TNRC6B: variants seen among roughly 807,000 people sequenced by gnomAD.
TNRC6B encodes the protein trinucleotide repeat-containing gene 6B protein.
In TNRC6B, 52 loss-of-function variants were observed where a neutral mutation model predicts 203.6. That is an observed-to-expected ratio of 0.26 (90% CI 0.20 to 0.32). The LOEUF (loss-of-function observed/expected upper bound fraction) is 0.32. Ranked by LOEUF, TNRC6B falls within the 10% of genes least tolerant of loss-of-function variation. The pLI, the probability that TNRC6B is intolerant of heterozygous loss-of-function variation, is 1.00. For missense variants in TNRC6B, 1,923 were observed against 2,286.2 expected (o/e 0.84, Z 3.24); for synonymous variants, 838 against 845.7 (o/e 0.99, Z 0.16).
intron 1 of TNRC6B, among the ~76,000 whole-genome samples, chr22:40,198,347 T>G (rs2146403033): frequency 6.6e-6 from 1 of 152,286 alleles, no homozygotes. Flanking sequence ...AAATACATTT[T>G]TACATTAATT....
intron 5 of TNRC6B, among the ~76,000 whole-genome samples, chr22:40,269,615 G>C (rs1601474327): frequency 1.3e-5 from 2 of 152,074 alleles, no homozygotes; most frequent in East Asian, 3.9e-4. Context: ...GGGCATGATG[G>C]CTCATGCCTG....
intron 1 of TNRC6B, 31 bp from the exon 2 acceptor site, chr22:40,245,984 A>T: frequency 6.6e-7 from 1 of 1,514,906 alleles, no homozygotes; most frequent in Non-Finnish European, 8.9e-7. Flanking sequence ...ATGTAGATGT[A>T]TAACCTTCTG....
intron 7 of TNRC6B, 123 bp downstream of exon 7, chr22:40,273,723 G>C: frequency 8.9e-7 from 1 of 1,121,166 alleles, no homozygotes; most frequent in Non-Finnish European, 1.2e-6. Flanking sequence ...GGAGTGCAGT[G>C]GGACAGTCAC....
chr22:40,270,073 G>A, intron 5 of TNRC6B, 49 bp from the exon 6 acceptor site: 3 of 1,541,694 alleles, frequency 1.9e-6, no homozygotes, highest in South Asian at 1.2e-5. Flanking sequence ...TGGATATTAT[G>A]GCATTTCATT....
rs1256028590 is a variant in TNRC6B at position 40,324,591 on chromosome 22, C to T, written c.*1350C>T. On this transcript the variant is annotated 3_prime_UTR_variant, in exon 23 of 23. Coordinates refer to ENST00000454349, the MANE Select transcript of TNRC6B (RefSeq NM_001162501.2). ...AGCATCTGCAGCTACTCCCTCTGCT[C>T]CTTTCTCGCCGAGCGTTACCTGTGC... The T allele has an allele frequency of 2.6e-5, 4 of 152,682 alleles. No individual in the cohort carries two copies. Among genetic ancestry groups the T allele is most frequent in the Non-Finnish European group, 5.9e-5 (4 of 68,054 alleles). The allele number at this position is 152,682 out of a possible 1,614,324, so 9.5% of individuals were successfully genotyped here. A position where few individuals can be genotyped will look rare whatever the true frequency, so the allele number is the denominator to read the frequency against.
chr22:40,218,020 G>A (rs1034129311), intron 1 of TNRC6B, among the ~76,000 whole-genome samples: 1 of 150,354 alleles, frequency 6.7e-6, no homozygotes, highest in Admixed American at 6.7e-5. Flanking sequence ...ACCCTCCAAG[G>A]TAACTGCTTT....
At chr22:40,305,838 T>TTCTTTC (rs1008671446) in intron 15 of TNRC6B, among the ~76,000 whole-genome samples, 1 of 152,170 alleles carries the variant, frequency 6.6e-6, no homozygotes, top group Non-Finnish European at 1.5e-5. Flanking sequence ...TGCTTACTTT[T>TTCTTTC]TCTTTCTCTT....
chr22:40,233,537 G>T (rs572386411), intron 1 of TNRC6B, among the ~76,000 whole-genome samples: 1 of 148,942 alleles, frequency 6.7e-6, no homozygotes, highest in Non-Finnish European at 1.5e-5. Context: ...CAGGAGAATC[G>T]CTTGAACTCA....
rs534945327 is a variant in TNRC6B, at chr22:40,102,495, CAT to C, written c.-120-14559_-120-14558del. On this transcript the variant is annotated intron_variant, in intron 1 of 23. Coordinates refer to the TNRC6B transcript ENST00000301923. The stretch of plus-strand genomic sequence containing the variant: ...CTTAGTCTTACATGATTTGGCCTCA[CAT>C]GTGTGGATGAGATTTTAAATATGTG... Among the ~76,000 whole-genome samples the C allele has an allele frequency of 1.5e-3, 231 of 152,258 alleles. 1 individual carries two copies. Among genetic ancestry groups the C allele is most frequent in the African/African-American group, 5.2e-3 (215 of 41,540 alleles).
At position 40,265,859 on chromosome 22, in the gene TNRC6B, C is replaced by T. The variant is rs1033879928; in HGVS notation, c.1629C>T (p.Gly543=). The change falls in exon 5 of 23, where the codon GGC becomes GGT. Residue 543 remains glycine, a synonymous_variant. Coordinates refer to ENST00000454349, the MANE Select transcript of TNRC6B (RefSeq NM_001162501.2). The stretch of plus-strand genomic sequence containing the variant: ...CTGGAGCATGGGACAATCAAAAGGG[C>T]CACCCCCTCCCTGAAAACCAAGGCA... ...SSTGAWDNQK[G]HPLPENQGNA... 1 of 1,613,968 alleles carries T rather than the reference C, an allele frequency of 6.2e-7. No individual in the cohort carries two copies. Among genetic ancestry groups the T allele is most frequent in the Non-Finnish European group, 8.5e-7 (1 of 1,179,902 alleles).
At chr22:40,047,386 G>C (rs2067699562) in intron 1 of TNRC6B, among the ~76,000 whole-genome samples, 1 of 151,470 alleles carries the variant, frequency 6.6e-6, no homozygotes, top group African/African-American at 2.5e-5. Context: ...TGGATCACTT[G>C]AGGTCAGGAG....
intron 1 of TNRC6B, among the ~76,000 whole-genome samples, chr22:40,103,576 A>G (rs2068258084): frequency 6.6e-6 from 1 of 152,166 alleles, no homozygotes; most frequent in Admixed American, 6.5e-5. Flanking sequence ...GATTACTTGA[A>G]GGACAAAAAA....
intron 7 of TNRC6B, among the ~76,000 whole-genome samples, chr22:40,275,077 G>A (rs577210097): frequency 5.3e-5 from 8 of 152,164 alleles, no homozygotes; most frequent in African/African-American, 1.9e-4. Context: ...TTTGCCCTTT[G>A]CCTATAGGAC....
intron 12 of TNRC6B, among the ~76,000 whole-genome samples, chr22:40,297,774 A>T (rs1199924676): frequency 6.6e-6 from 1 of 151,704 alleles, no homozygotes; most frequent in Admixed American, 6.6e-5. Flanking sequence ...GTGAGGCGAG[A>T]TCACACCACT....
chr22:40,247,459 G>A (rs1409184514), intron 2 of TNRC6B, among the ~76,000 whole-genome samples: 1 of 152,162 alleles, frequency 6.6e-6, no homozygotes, highest in African/African-American at 2.4e-5. Flanking sequence ...ATAATAATTT[G>A]TGAGTATCAG....
intron 4 of TNRC6B, among the ~76,000 whole-genome samples, chr22:40,166,403 C>T (rs1339747311): frequency 6.6e-6 from 1 of 151,602 alleles, no homozygotes; most frequent in East Asian, 1.9e-4. Flanking sequence ...GAAATGTTTT[C>T]CCCTACATTT....
intron 1 of TNRC6B, among the ~76,000 whole-genome samples, chr22:40,061,729 T>C (rs956747701): frequency 1.3e-5 from 2 of 152,182 alleles, no homozygotes; most frequent in African/African-American, 2.4e-5. Flanking sequence ...ATGCATCTTT[T>C]ACATACCACA....
At chr22:40,046,929 G>A (rs559436186) in intron 1 of TNRC6B, among the ~76,000 whole-genome samples, 1 of 152,276 alleles carries the variant, frequency 6.6e-6, no homozygotes, top group East Asian at 1.9e-4. Flanking sequence ...ACAGGCGTGA[G>A]CCACCGCGCC....
chr22:40,100,564 A>G (rs2068230788), intron 1 of TNRC6B, among the ~76,000 whole-genome samples: 1 of 152,158 alleles, frequency 6.6e-6, no homozygotes, highest in Non-Finnish European at 1.5e-5. Context: ...AAAAATTTAT[A>G]GACATGGAGT....
Sources: allele counts gnomAD v4.1 joint callset (sites outside exome capture counted in the v4.1 genomes callset), GRCh38; gene constraint gnomAD v4.1.1; transcripts MANE v1.5; gene names NCBI Gene and HGNC (gene_info 2026-07-23, HGNC 2026-07-21).